The following NIBAN1 variants were observed in gnomAD, a reference collection of about 807,000 sequenced individuals.
The protein encoded by NIBAN1 is niban apoptosis regulator 1.
A neutral mutation model predicts 75.1 loss-of-function variants in NIBAN1; 81 were observed. That is an observed-to-expected ratio of 1.08 (90% CI 0.90 to 1.30). The LOEUF is 1.30. Among genes scored for constraint, NIBAN1 ranks in the 50% most tolerant of loss-of-function variants. The probability of loss-of-function intolerance (pLI) is 0.00; values close to 1 mark genes in which losing one functional copy is unlikely to be tolerated. For missense variants in NIBAN1, 1,133 were observed against 1,128.1 expected, an observed-to-expected ratio of 1.00 and a Z score of -0.06; for synonymous variants, 436 against 424.8, an observed-to-expected ratio of 1.03 and a Z score of -0.32.
chr1:184,833,736 G>A (rs2102239915), intron 5 of NIBAN1, among the ~76,000 whole-genome samples: 1 of 151,548 alleles, frequency 6.6e-6, no homozygotes, highest in Non-Finnish European at 1.5e-5. Context: ...AAAAAGAAAA[G>A]AAACGAATAT....
At chr1:184,952,048 G>A (rs1033783526) in intron 1 of NIBAN1, among the ~76,000 whole-genome samples, 2 of 152,222 alleles carry the variant, frequency 1.3e-5, no homozygotes, top group African/African-American at 4.8e-5. Context: ...TCACAGAACA[G>A]GGCATATTTC....
intron 6 of NIBAN1, among the ~76,000 whole-genome samples, chr1:184,826,833 G>C (rs1654853570): frequency 6.6e-6 from 1 of 152,026 alleles, no homozygotes; most frequent in Non-Finnish European, 1.5e-5. Flanking sequence ...CGAGGAAAAA[G>C]AGAGGGTGGG....
intron 1 of NIBAN1, among the ~76,000 whole-genome samples, chr1:184,919,714 G>C (rs899779202): frequency 1.3e-5 from 2 of 152,026 alleles, no homozygotes; most frequent in Non-Finnish European, 2.9e-5. Flanking sequence ...AACAGGTGAG[G>C]AATAAAACGC....
intron 5 of NIBAN1, among the ~76,000 whole-genome samples, chr1:184,860,418 C>T (rs902072257): frequency 2.0e-5 from 3 of 152,006 alleles, no homozygotes; most frequent in South Asian, 4.1e-4. Flanking sequence ...GAAGTCATTG[C>T]TTTTATTTAT....
intron 5 of NIBAN1, among the ~76,000 whole-genome samples, chr1:184,877,911 A>T (rs934914461): frequency 1.0e-4 from 15 of 143,742 alleles, no homozygotes; most frequent in East Asian, 6.0e-4. Flanking sequence ...GAACAAAACA[A>T]TTTTTTTTTT....
At chr1:184,904,062 A>T (rs1298239057) in intron 1 of NIBAN1, among the ~76,000 whole-genome samples, 1 of 151,860 alleles carries the variant, frequency 6.6e-6, no homozygotes, top group Non-Finnish European at 1.5e-5. Flanking sequence ...ACACCTGGCT[A>T]ATTTTGTATT....
chr1:184,818,451 T>C (rs1654599858), intron 9 of NIBAN1, among the ~76,000 whole-genome samples, 187 bp downstream of exon 9: 1 of 151,890 alleles, frequency 6.6e-6, no homozygotes, highest in Non-Finnish European at 1.5e-5. Context: ...GATGGGTGGA[T>C]GGATGAATAG....
At chr1:184,922,490 T>A (rs925749997) in intron 1 of NIBAN1, among the ~76,000 whole-genome samples, 1 of 152,240 alleles carries the variant, frequency 6.6e-6, no homozygotes, top group African/African-American at 2.4e-5. Context: ...AGTGAGAACA[T>A]ACAAAGGTCT....
At chr1:184,898,810 G>A (rs1362322772) in intron 2 of NIBAN1, among the ~76,000 whole-genome samples, 1 of 152,136 alleles carries the variant, frequency 6.6e-6, no homozygotes, top group Non-Finnish European at 1.5e-5. Flanking sequence ...TGTCGAGGTG[G>A]TGGTTACTTA....
At chr1:184,801,051 A>G (rs1369795284) in intron 12 of NIBAN1, among the ~76,000 whole-genome samples, 1 of 152,144 alleles carries the variant, frequency 6.6e-6, no homozygotes, top group Non-Finnish European at 1.5e-5. Flanking sequence ...AATGTACCAA[A>G]TCATATCCCA....
chr1:184,899,404 C>T, intron 1 of NIBAN1, 95 bp from the exon 2 acceptor site: 1 of 1,305,618 alleles, frequency 7.7e-7, no homozygotes, highest in Non-Finnish European at 1.1e-6. Context: ...CTCTCTGTTT[C>T]TATCCCTCCA....
In NIBAN1 at chr1:184,795,139, C is replaced by T. The variant is rs759815498; in HGVS notation, c.2625G>A (p.Thr875=). The change falls in exon 14 of 14, where the codon ACG becomes ACA. Residue 875 remains threonine, a synonymous_variant. Coordinates refer to ENST00000367511, the MANE Select transcript of NIBAN1 (RefSeq NM_052966.4). ...TGATCTCCTCTGCATTCACACTGGC[C>T]GTGGCCTGGGCCGCGCTGCTTTGCC... is the stretch of plus-strand genomic sequence containing the variant. ...MGGQSSAAQA[T]ASVNAEEIKV... 34 of 1,614,180 alleles carry T rather than the reference C, an allele frequency of 2.1e-5. No homozygotes were observed. The Admixed American group carries it at 4.2e-4, about 20-fold the overall frequency.
intron 12 of NIBAN1, 103 bp downstream of exon 12, chr1:184,803,482 C>A: frequency 2.4e-6 from 2 of 839,520 alleles, no homozygotes; most frequent in Admixed American, 2.3e-5. Flanking sequence ...CTGCCAATCC[C>A]TCCCTGGTCT....
intron 1 of NIBAN1, among the ~76,000 whole-genome samples, chr1:184,919,081 C>T (rs1657464475): frequency 6.6e-6 from 1 of 152,150 alleles, no homozygotes; most frequent in Non-Finnish European, 1.5e-5. Context: ...ATTATTCCTT[C>T]ATTAGAGAAC....
chr1:184,803,624 A>G lies in NIBAN1; in HGVS notation c.1515T>C (p.Leu505=). The G allele has an allele frequency of 6.2e-7, 1 of 1,614,214 alleles. No individual in the cohort carries two copies. Among genetic ancestry groups the G allele is most frequent in the East Asian group, 2.2e-5 (1 of 44,884 alleles). The change falls in exon 12 of 14, where the codon CTT becomes CTC. Residue 505 remains leucine, a synonymous_variant. Transcript: ENST00000367511. ...ACGCCAGTGCCTTCTGCACAGTGGG[A>G]AGTGTGATTTGAACTAGTGCCTCTT... ...IFQEALVQIT[L]PTVQKALAST...
intron 6 of NIBAN1, among the ~76,000 whole-genome samples, chr1:184,824,190 T>C (rs1212826924): frequency 6.6e-6 from 1 of 152,186 alleles, no homozygotes; most frequent in Non-Finnish European, 1.5e-5. Context: ...CCCTTCATGA[T>C]CAAGGTATCA....
chr1:184,904,994 A>C (rs767675830), intron 1 of NIBAN1, among the ~76,000 whole-genome samples: 3 of 152,096 alleles, frequency 2.0e-5, no homozygotes, highest in Non-Finnish European at 4.4e-5. Flanking sequence ...CACAGCAGAG[A>C]CAGAGGAGAA....
chr1:184,853,809 G>A (rs540242328), intron 5 of NIBAN1, among the ~76,000 whole-genome samples: 7 of 152,194 alleles, frequency 4.6e-5, no homozygotes, highest in African/African-American at 1.7e-4. Flanking sequence ...TCAATACTTT[G>A]TCTTAAAGCC....
intron 1 of NIBAN1, among the ~76,000 whole-genome samples, chr1:184,949,914 G>A (rs1462309488): frequency 6.6e-6 from 1 of 152,034 alleles, no homozygotes. Flanking sequence ...CCAGCCATAG[G>A]TAAGGCTCTT....
Sources: gnomAD v4.1 joint callset for allele counts (sites outside exome capture counted in the v4.1 genomes callset) on GRCh38, gnomAD v4.1.1 for gene constraint, MANE v1.5 for transcripts, NCBI Gene and HGNC (gene_info 2026-07-23, HGNC 2026-07-21) for gene names.